Variants in SENP7 observed in about 807,000 individuals in gnomAD.
The protein encoded by SENP7 is sentrin-specific protease 7.
SENP7 carries 64 observed loss-of-function variants against 141.2 expected under a neutral mutation model. The observed-to-expected ratio is 0.45, with a 90% CI of 0.37 to 0.56. SENP7 has a LOEUF of 0.56. SENP7 is among the 20% of genes least tolerant of loss of function. SENP7 has a pLI of 0.00. For missense variants in SENP7, 1,025 were observed against 1,212.2 expected (o/e 0.85, Z 2.29); for synonymous variants, 382 against 426.4 (o/e 0.90, Z 1.28).
At chr3:101,490,899 C>T (rs987209713) in intron 3 of SENP7, among the ~76,000 whole-genome samples, 3 of 152,108 alleles carry the variant, frequency 2.0e-5, no homozygotes, top group African/African-American at 7.2e-5. Flanking sequence ...GAACTTTAAG[C>T]CAACCACAGA....
intron 3 of SENP7, among the ~76,000 whole-genome samples, chr3:101,483,547 T>C (rs2064594433): frequency 6.6e-6 from 1 of 152,166 alleles, no homozygotes; most frequent in South Asian, 2.1e-4. Context: ...GGTATAATAG[T>C]ACCCTAAACC....
At chr3:101,360,500 A>G (rs2059866417) in intron 11 of SENP7, among the ~76,000 whole-genome samples, 1 of 152,258 alleles carries the variant, frequency 6.6e-6, no homozygotes, top group Non-Finnish European at 1.5e-5. Flanking sequence ...AGCAGAAACC[A>G]TATCTTAGCA....
intron 1 of SENP7, among the ~76,000 whole-genome samples, chr3:101,507,985 G>A (rs2065691402): frequency 6.9e-6 from 1 of 144,790 alleles, no homozygotes; most frequent in Non-Finnish European, 1.5e-5. Flanking sequence ...GGAGGCAGAG[G>A]TCGCAGTGAG....
At chr3:101,448,491 G>A (rs1172155345) in intron 4 of SENP7, among the ~76,000 whole-genome samples, 1 of 152,230 alleles carries the variant, frequency 6.6e-6, no homozygotes, top group African/African-American at 2.4e-5. Flanking sequence ...GTTTCCCTGA[G>A]TATCAGCAGC....
At chr3:101,379,949 CA>C (rs1435711123) in intron 6 of SENP7, among the ~76,000 whole-genome samples, 1 of 151,992 alleles carries the variant, frequency 6.6e-6, no homozygotes, top group Non-Finnish European at 1.5e-5. Context: ...ATGAATAGAA[CA>C]AAATTTAGTT....
At chr3:101,375,931 A>G (rs896209230) in intron 6 of SENP7, among the ~76,000 whole-genome samples, 3 of 152,204 alleles carry the variant, frequency 2.0e-5, no homozygotes, top group African/African-American at 4.8e-5. Context: ...TCACAGAGAC[A>G]GAAAGTAGAT....
At chr3:101,460,551 G>C (rs1222473064) in intron 3 of SENP7, among the ~76,000 whole-genome samples, 2 of 151,886 alleles carry the variant, frequency 1.3e-5, no homozygotes, top group African/African-American at 2.4e-5. Context: ...AATTCAAATG[G>C]AGAGAAGACC....
intron 4 of SENP7, among the ~76,000 whole-genome samples, chr3:101,438,561 G>A (rs2107752719): frequency 6.6e-6 from 1 of 152,148 alleles, no homozygotes; most frequent in East Asian, 1.9e-4. Flanking sequence ...TGATTAAGAT[G>A]ATAAAATTTA....
intron 1 of SENP7, among the ~76,000 whole-genome samples, chr3:101,506,623 C>A (rs2065622146): frequency 6.6e-6 from 1 of 152,110 alleles, no homozygotes; most frequent in Non-Finnish European, 1.5e-5. Context: ...AGACATTAGA[C>A]AACTCAGCAA....
At chr3:101,365,268 G>A (rs1334443157) in intron 9 of SENP7, among the ~76,000 whole-genome samples, 1 of 151,848 alleles carries the variant, frequency 6.6e-6, no homozygotes, top group Non-Finnish European at 1.5e-5. Flanking sequence ...CTCCCAAAGT[G>A]CTGGGATTAT....
chr3:101,389,327 C>T (rs1163995185), intron 6 of SENP7, among the ~76,000 whole-genome samples: 1 of 151,998 alleles, frequency 6.6e-6, no homozygotes, highest in African/African-American at 2.4e-5. Flanking sequence ...AGATACAATA[C>T]AAAGGTCTTC....
At chr3:101,469,326 C>T (rs1203651010) in intron 3 of SENP7, among the ~76,000 whole-genome samples, 1 of 152,060 alleles carries the variant, frequency 6.6e-6, no homozygotes, top group Non-Finnish European at 1.5e-5. Flanking sequence ...ACACCACTGT[C>T]AATATTACAC....
chr3:101,420,021 A>G (rs1236619565), intron 4 of SENP7, among the ~76,000 whole-genome samples: 1 of 152,172 alleles, frequency 6.6e-6, no homozygotes, highest in Non-Finnish European at 1.5e-5. Context: ...ACTGCTTCAC[A>G]CTACACTGGT....
chr3:101,483,002 G>A (rs897558992), intron 3 of SENP7, among the ~76,000 whole-genome samples: 6 of 152,170 alleles, frequency 3.9e-5, no homozygotes, highest in African/African-American at 1.4e-4. Flanking sequence ...CTGTTGGTGG[G>A]AATTAGTTCT....
rs1172079435 is a variant in SENP7 at position 101,327,799 on chromosome 3, C to G, written c.2882G>C (p.Trp961Ser). 6.2e-7 allele frequency: 1 copy of G among 1,606,314 alleles called. No individual in the cohort carries two copies. The highest frequency in any genetic ancestry group is 1.1e-5 in the South Asian group (1 of 90,372). The part of the protein sequence containing the change: ...QNLREYLEVE[W>S]EVKLKTHRQF... Reference sequence around the variant, plus strand: ...ACGATGAGTTTTTAGTTTAACTTCCCACTCTACCTCTAAATACCTGAAATA... The same window carrying G: ...ACGATGAGTTTTTAGTTTAACTTCCGACTCTACCTCTAAATACCTGAAATA... Residue 961 changes from tryptophan (W) to serine (S), a missense_variant, in exon 23 of 24, where the codon TGG becomes TCG. This residue lies in a region of SENP7 where 295 missense variants were observed against 459.1 expected (regional missense o/e 0.64). Transcript: ENST00000394095.
chr3:101,436,169 G>C (rs1431064899), intron 4 of SENP7, among the ~76,000 whole-genome samples: 1 of 152,108 alleles, frequency 6.6e-6, no homozygotes, highest in East Asian at 1.9e-4. Context: ...AACATACACT[G>C]ATGGAAAGAC....
intron 6 of SENP7, among the ~76,000 whole-genome samples, chr3:101,394,798 C>G (rs943654768): frequency 2.0e-5 from 3 of 152,208 alleles, no homozygotes; most frequent in East Asian, 1.9e-4. Context: ...TCTCCACATC[C>G]TTGCCAACAT....
chr3:101,375,771 T>A (rs1464309435), intron 6 of SENP7, among the ~76,000 whole-genome samples: 4 of 152,112 alleles, frequency 2.6e-5, no homozygotes, highest in Non-Finnish European at 2.9e-5. Flanking sequence ...ATTCATACAA[T>A]AAAATATTAT....
At chr3:101,358,601 C>T (rs1348917581) in intron 11 of SENP7, 18 of 174,842 alleles carry the variant, frequency 1.0e-4, no homozygotes, top group South Asian at 3.8e-4. Context: ...GTGTAAAGAA[C>T]GTGGCAAAGC....
Sources: gnomAD v4.1 joint callset for allele counts (sites outside exome capture counted in the v4.1 genomes callset) on GRCh38, gnomAD v4.1.1 for gene constraint, gnomAD v4.1.1 regional missense constraint, MANE v1.5 for transcripts, NCBI Gene and HGNC (gene_info 2026-07-23, HGNC 2026-07-21) for gene names.